TTLL5: variants seen among roughly 807,000 people sequenced by gnomAD.
The protein encoded by TTLL5 is tubulin tyrosine ligase like 5.
In TTLL5, 132 loss-of-function variants were observed where a neutral mutation model predicts 168.4. The ratio of observed to expected loss-of-function variants is 0.78; its 90% CI spans 0.68 to 0.91. TTLL5 has a LOEUF of 0.91. Ranked by LOEUF, TTLL5 falls within the 40% of genes least tolerant of loss-of-function variation. The pLI, the probability that TTLL5 is intolerant of heterozygous loss-of-function variation, is 0.00. For synonymous variants in TTLL5, 546 were observed against 558.6 expected, an observed-to-expected ratio of 0.98 and a Z score of 0.32; for missense variants, 1,545 against 1,581.5, an observed-to-expected ratio of 0.98 and a Z score of 0.39.
At chr14:75,731,276 A>AG (rs1176388037) in intron 12 of TTLL5, among the ~76,000 whole-genome samples, 1 of 152,024 alleles carries the variant, frequency 6.6e-6, no homozygotes, top group Non-Finnish European at 1.5e-5. Context: ...TTACTTCTAG[A>AG]GAAAAAATAT....
chr14:75,677,140 T>C (rs1293643693), intron 3 of TTLL5, among the ~76,000 whole-genome samples: 2 of 152,242 alleles, frequency 1.3e-5, no homozygotes, highest in East Asian at 3.9e-4. Context: ...ATGACTTTTA[T>C]TATTTTTTTA....
intron 29 of TTLL5, among the ~76,000 whole-genome samples, chr14:75,868,299 G>A (rs1336421853): frequency 6.6e-6 from 1 of 152,088 alleles, no homozygotes; most frequent in East Asian, 1.9e-4. Context: ...AACAATCATG[G>A]GAGAAAGGAG....
intron 15 of TTLL5, among the ~76,000 whole-genome samples, chr14:75,740,013 A>T (rs910392542): frequency 6.6e-5 from 10 of 152,184 alleles, no homozygotes; most frequent in African/African-American, 2.2e-4. Context: ...GTTAATACCC[A>T]TTCCAGAAAT....
At chr14:75,749,621 G>C (rs1177001999) in intron 17 of TTLL5, among the ~76,000 whole-genome samples, 1 of 152,116 alleles carries the variant, frequency 6.6e-6, no homozygotes, top group African/African-American at 2.4e-5. Flanking sequence ...AGAAAAAAGA[G>C]AGGTGCTCAG....
At chr14:75,778,012 A>C (rs192527234) in intron 23 of TTLL5, among the ~76,000 whole-genome samples, 2 of 152,108 alleles carry the variant, frequency 1.3e-5, no homozygotes, top group Admixed American at 1.3e-4. Flanking sequence ...TGTCCAGAAA[A>C]TAGCTCTACT....
chr14:75,695,255 C>T (rs34358063), intron 6 of TTLL5, among the ~76,000 whole-genome samples: 6,768 of 152,278 alleles, frequency 0.044, 212 homozygotes, highest in Non-Finnish European at 0.067. Context: ...CCTGGTCTCC[C>T]GTCGCGCTCC....
intron 28 of TTLL5, among the ~76,000 whole-genome samples, chr14:75,850,871 G>T (rs1288851949): frequency 6.6e-6 from 1 of 152,022 alleles, no homozygotes; most frequent in African/African-American, 2.4e-5. Context: ...ACTTTGGGAG[G>T]CTGCGGTGAG....
intron 28 of TTLL5, among the ~76,000 whole-genome samples, chr14:75,837,577 C>T (rs1895937796): frequency 6.6e-6 from 1 of 152,070 alleles, no homozygotes; most frequent in African/African-American, 2.4e-5. Context: ...AAACTCTATA[C>T]TCATTAAGCA....
chr14:75,691,656 G>A (rs962563087), intron 6 of TTLL5, among the ~76,000 whole-genome samples: 3 of 152,126 alleles, frequency 2.0e-5, no homozygotes, highest in Admixed American at 1.3e-4. Flanking sequence ...CAGTAGCATC[G>A]GTGTGAGAGA....
intron 29 of TTLL5, among the ~76,000 whole-genome samples, chr14:75,874,814 G>A (rs888951504): frequency 1.3e-5 from 2 of 150,258 alleles, no homozygotes; most frequent in Admixed American, 1.3e-4. Context: ...ATGTGTGTGT[G>A]TATATATGCG....
At chr14:75,803,772 G>T (rs1893481311) in intron 27 of TTLL5, among the ~76,000 whole-genome samples, 1 of 152,208 alleles carries the variant, frequency 6.6e-6, no homozygotes, top group South Asian at 2.1e-4. Context: ...ATCTCTGCCT[G>T]ACTCCATGCT....
intron 7 of TTLL5, among the ~76,000 whole-genome samples, chr14:75,702,498 C>T (rs1886343073): frequency 6.6e-6 from 1 of 152,192 alleles, no homozygotes; most frequent in Non-Finnish European, 1.5e-5. Context: ...AGGATCTATT[C>T]CCAGCTCATC....
chr14:75,691,010 G>A (rs1402695818), intron 6 of TTLL5, among the ~76,000 whole-genome samples: 1 of 152,076 alleles, frequency 6.6e-6, no homozygotes, highest in Non-Finnish European at 1.5e-5. Flanking sequence ...CATTCTTTCA[G>A]CCTTGATTTC....
At chr14:75,848,991 C>G (rs1163139743) in intron 28 of TTLL5, among the ~76,000 whole-genome samples, 2 of 152,208 alleles carry the variant, frequency 1.3e-5, no homozygotes, top group Non-Finnish European at 2.9e-5. Flanking sequence ...CAGCAGAAGT[C>G]TGGTTCACAT....
chr14:75,827,800 G>A (rs1165720408), intron 28 of TTLL5, among the ~76,000 whole-genome samples: 2 of 125,112 alleles, frequency 1.6e-5, no homozygotes, highest in African/African-American at 3.0e-5. Flanking sequence ...GCTCACTGCA[G>A]CCTCTGCCTC....
intron 15 of TTLL5, among the ~76,000 whole-genome samples, chr14:75,740,969 A>T (rs570925953): frequency 6.6e-6 from 1 of 152,146 alleles, no homozygotes; most frequent in East Asian, 1.9e-4. Flanking sequence ...ATATCTTGCC[A>T]TTTTTCCCCA....
chr14:75,777,662 C>G (rs1479579546), intron 23 of TTLL5, among the ~76,000 whole-genome samples: 1 of 151,902 alleles, frequency 6.6e-6, no homozygotes, highest in East Asian at 1.9e-4. Context: ...AACAGTAAGC[C>G]CCATTACTTA....
chr14:75,928,340 A>AATATATATATATATATATATAT (rs1227482803), intron 31 of TTLL5, among the ~76,000 whole-genome samples: 1 of 18,390 alleles, frequency 5.4e-5, no homozygotes, highest in Non-Finnish European at 1.0e-4. Flanking sequence ...GAATGACAAA[A>AATATATATATATATATATATAT]ACATATATAT....
rs566410218 is a variant in TTLL5, at chr14:75,776,374, T to G, written c.2284-373T>G. 5.9e-5 allele frequency among the ~76,000 whole-genome samples: 9 copies of G among 152,318 alleles called. No individual in the cohort carries two copies. The East Asian group carries it at 1.5e-3, about 26-fold the overall frequency. ...ATAAGAGTACCTTCCAAGATCTGTC[T>G]TTCCTCTCCTAATTGGAACAAAATA... On this transcript the variant is annotated intron_variant, in intron 22 of 31. Coordinates refer to ENST00000298832, the MANE Select transcript of TTLL5 (RefSeq NM_015072.5).
Sources: allele counts gnomAD v4.1 joint callset (sites outside exome capture counted in the v4.1 genomes callset), GRCh38; gene constraint gnomAD v4.1.1; transcripts MANE v1.5; gene names NCBI Gene and HGNC (gene_info 2026-07-23, HGNC 2026-07-21).